Variants in EML5 observed in about 807,000 individuals in gnomAD.
EML5 encodes the protein echinoderm microtubule-associated protein-like 5.
EML5 carries 120 observed loss-of-function variants against 250.0 expected under a neutral mutation model. That is an observed-to-expected ratio of 0.48 (90% CI 0.41 to 0.56). EML5 has a LOEUF of 0.56. Among genes scored for constraint, EML5 ranks in the 20% least tolerant of loss-of-function variants. The probability of loss-of-function intolerance (pLI) is 0.00; values close to 1 mark genes in which losing one functional copy is unlikely to be tolerated. For missense variants in EML5, 2,006 were observed against 2,437.6 expected (o/e 0.82, Z 3.73); for synonymous variants, 771 against 806.5 (o/e 0.96, Z 0.75).
chr14:88,773,794 T>G (rs2094419287), intron 1 of EML5, among the ~76,000 whole-genome samples: 1 of 145,096 alleles, frequency 6.9e-6, no homozygotes, highest in African/African-American at 2.7e-5. Context: ...AAACTTTAGA[T>G]TATATTAACA....
chr14:88,628,900 A>G (rs1194694270), intron 33 of EML5, among the ~76,000 whole-genome samples: 1 of 152,036 alleles, frequency 6.6e-6, no homozygotes, highest in African/African-American at 2.4e-5. Context: ...TAAAATATCA[A>G]AACTACACGG....
intron 21 of EML5, among the ~76,000 whole-genome samples, chr14:88,671,884 G>A (rs1473866332): frequency 1.3e-5 from 2 of 152,110 alleles, no homozygotes; most frequent in Admixed American, 6.6e-5. Flanking sequence ...CAGTTCAGGA[G>A]CACCCAGATT....
chr14:88,689,199 C>G (rs1331250737), intron 17 of EML5, among the ~76,000 whole-genome samples: 2 of 152,078 alleles, frequency 1.3e-5, no homozygotes, highest in East Asian at 3.8e-4. Context: ...TTGTAAAGGC[C>G]TCTTCTATAC....
chr14:88,790,389 T>C (rs2094594080), intron 1 of EML5, among the ~76,000 whole-genome samples: 1 of 152,252 alleles, frequency 6.6e-6, no homozygotes, highest in South Asian at 2.1e-4. Flanking sequence ...TGTGCAACTA[T>C]ACCAAAAGAA....
chr14:88,662,514 C>A (rs900097466), intron 24 of EML5, among the ~76,000 whole-genome samples: 2 of 149,838 alleles, frequency 1.3e-5, no homozygotes, highest in Non-Finnish European at 3.0e-5. Context: ...GCAACTGGAG[C>A]ACAGCTAGCC....
chr14:88,683,858 A>G (rs900162938), intron 20 of EML5, among the ~76,000 whole-genome samples: 1 of 152,204 alleles, frequency 6.6e-6, no homozygotes, highest in Non-Finnish European at 1.5e-5. Context: ...CTTATACTCA[A>G]TGGTGGAAGA....
chr14:88,746,212 C>T lies in EML5; in HGVS notation c.429G>A (p.Leu143=), dbSNP rs2094002568. 6.2e-7 allele frequency: 1 copy of T among 1,613,146 alleles called. No homozygotes were observed. Among genetic ancestry groups the T allele is most frequent in the African/African-American group, 1.3e-5 (1 of 74,888 alleles). ...CVWDWKRGKM[L]SMAPGHTDRI... ...TATCTGTATGACCAGGAGCCATAGA[C>T]AACATTTTTCCCCTTTTCCAGTCCC... The change falls in exon 3 of 44, where the codon TTG becomes TTA. Residue 143 remains leucine, a synonymous_variant. Coordinates refer to ENST00000554922, the MANE Select transcript of EML5 (RefSeq NM_183387.3).
intron 31 of EML5, among the ~76,000 whole-genome samples, chr14:88,640,885 T>C (rs1424990262): frequency 6.6e-6 from 1 of 151,222 alleles, no homozygotes; most frequent in Admixed American, 6.6e-5. Flanking sequence ...TTACAACCAA[T>C]CCCACAAGAA....
chr14:88,612,627 AAT>A lies in EML5; in HGVS notation c.*3189_*3190del, dbSNP rs1163733053. ...AATAACATTCTCAGAATCCACAGAA[AAT>A]ATACTTAGTTACTACTGAAGATAAT... is the stretch of plus-strand genomic sequence containing the variant. On this transcript the variant is annotated 3_prime_UTR_variant, in exon 44 of 44. Coordinates refer to ENST00000554922, the MANE Select transcript of EML5 (RefSeq NM_183387.3). 2.6e-5 allele frequency: 4 copies of A among 152,674 alleles called. No homozygotes were observed. The highest frequency in any genetic ancestry group is 9.6e-5 in the African/African-American group (4 of 41,458). 9.5% of individuals were successfully genotyped at this position (152,674 alleles called of 1,614,324 possible).
Position 88,661,814 on chromosome 14 carries a change from C to A in EML5, c.3515G>T (p.Trp1172Leu). The change falls in exon 25 of 44, where the codon TGG becomes TTG. Residue 1172 changes from tryptophan (W) to leucine (L), a missense_variant. Around this residue, in one of 7 missense-constraint regions of EML5, gnomAD observed 1,375 missense variants for 1,590.3 expected, o/e 0.86. Transcript: ENST00000554922. ...IPSVEVEKIA[W>L]ASWTSVLGLC... ...ACCAAGTACACTTGTCCATGATGCC[C>A]AAGCAATTTTTTCTACCTAAAAATG... 2 of 1,607,840 alleles carry A rather than the reference C, an allele frequency of 1.2e-6. No homozygotes were observed. Among genetic ancestry groups the A allele is most frequent in the Non-Finnish European group, 8.5e-7 (1 of 1,176,902 alleles).
intron 2 of EML5, 94 bp from the exon 3 acceptor site, chr14:88,746,377 G>C: frequency 9.9e-7 from 1 of 1,012,166 alleles, no homozygotes; most frequent in Admixed American, 2.3e-5. Flanking sequence ...ATACTCATGG[G>C]TTTTTATAAA....
chr14:88,705,156 C>A (rs1173851106), intron 12 of EML5, among the ~76,000 whole-genome samples, 178 bp from the exon 13 acceptor site: 1 of 152,074 alleles, frequency 6.6e-6, no homozygotes, highest in Admixed American at 6.6e-5. Flanking sequence ...TTCACATTTT[C>A]TACATATCAC....
chr14:88,707,145 A>G (rs1283900194), intron 10 of EML5, among the ~76,000 whole-genome samples: 1 of 152,158 alleles, frequency 6.6e-6, no homozygotes, highest in African/African-American at 2.4e-5. Flanking sequence ...GGTCAGTTCT[A>G]TCATTAGAGA....
chr14:88,749,000 G>GAA (rs57461245), intron 2 of EML5, among the ~76,000 whole-genome samples: 2 of 139,996 alleles, frequency 1.4e-5, no homozygotes, highest in Non-Finnish European at 1.6e-5. Flanking sequence ...CAGAGGAAAA[G>GAA]AAAAAAAAAA....
In EML5 at chr14:88,740,570, G is replaced by A; in HGVS notation, c.528C>T (p.Phe176=). 1 of 1,603,034 alleles carries A rather than the reference G, an allele frequency of 6.2e-7. No individual in the cohort carries two copies. The highest frequency in any genetic ancestry group is 1.1e-5 in the South Asian group (1 of 89,280). The change falls in exon 5 of 44, where the codon TTC becomes TTT. Residue 176 remains phenylalanine, a splice_region_variant and synonymous_variant. Transcript: ENST00000554922. The stretch of plus-strand genomic sequence containing the variant: ...TCAGAGCATTTCCACATAAACTCCA[G>A]AACTAAAAGGTATATAGTATAATCA... ...LVSCGVKHIK[F]WSLCGNALTP...
intron 31 of EML5, among the ~76,000 whole-genome samples, chr14:88,642,267 AT>A (rs1377710306): frequency 2.6e-5 from 4 of 152,218 alleles, no homozygotes; most frequent in African/African-American, 9.6e-5. Flanking sequence ...TAAATACTTA[AT>A]GTTACTAGTA....
At chr14:88,650,490 A>C (rs887091876) in intron 27 of EML5, among the ~76,000 whole-genome samples, 2 of 152,250 alleles carry the variant, frequency 1.3e-5, no homozygotes, top group East Asian at 3.9e-4. Context: ...AAAAACAAAA[A>C]CATTTATTAA....
At chr14:88,779,968 G>T (rs1015369177) in intron 1 of EML5, among the ~76,000 whole-genome samples, 50 of 149,254 alleles carry the variant, frequency 3.3e-4, no homozygotes, top group African/African-American at 9.1e-4. Context: ...TTTTTTTTTT[G>T]AAATGGAGTC....
At chr14:88,787,527 T>A (rs61982737) in intron 1 of EML5, among the ~76,000 whole-genome samples, 12,975 of 152,290 alleles carry the variant, frequency 0.085, 684 homozygotes, top group Non-Finnish European at 0.12. Context: ...GTAAATCTAA[T>A]AATCTGGCTT....
Sources: allele counts gnomAD v4.1 joint callset (sites outside exome capture counted in the v4.1 genomes callset), GRCh38; gene constraint gnomAD v4.1.1; regional missense constraint gnomAD v4.1.1; transcripts MANE v1.5; gene names NCBI Gene and HGNC (gene_info 2026-07-23, HGNC 2026-07-21).